INPP4B: variants seen among roughly 807,000 people sequenced by gnomAD.
INPP4B encodes the protein inositol polyphosphate-4-phosphatase type II B.
Under a neutral mutation model 122.5 loss-of-function variants are expected in INPP4B, and 55 were observed. The ratio of observed to expected loss-of-function variants is 0.45; its 90% CI spans 0.36 to 0.56. The LOEUF (loss-of-function observed/expected upper bound fraction) is 0.56, where lower values mean the gene tolerates loss of function less well. Ranked by LOEUF, INPP4B falls within the 20% of genes least tolerant of loss-of-function variation. The pLI is 0.00. For synonymous variants in INPP4B, 403 were observed against 388.7 expected, an observed-to-expected ratio of 1.04 and a Z score of -0.43; for missense variants, 1,000 against 1,097.7, an observed-to-expected ratio of 0.91 and a Z score of 1.26.
At chr4:142,359,647 A>G (rs1167520865) in intron 7 of INPP4B, among the ~76,000 whole-genome samples, 1 of 151,940 alleles carries the variant, frequency 6.6e-6, no homozygotes, top group Non-Finnish European at 1.5e-5. Flanking sequence ...ATATTTTCTA[A>G]AATATATTAA....
chr4:142,792,706 C>A (rs1181343936), intron 1 of INPP4B, among the ~76,000 whole-genome samples: 1 of 152,020 alleles, frequency 6.6e-6, no homozygotes, highest in Non-Finnish European at 1.5e-5. Context: ...AATCACTACA[C>A]ACCTAAGCAC....
At chr4:142,826,046 T>C (rs1781415924) in intron 1 of INPP4B, among the ~76,000 whole-genome samples, 2 of 152,142 alleles carry the variant, frequency 1.3e-5, no homozygotes. Context: ...GTTTGTGTTG[T>C]CGCATCGCCA....
intron 16 of INPP4B, among the ~76,000 whole-genome samples, chr4:142,171,788 T>C (rs1188207097): frequency 2.6e-5 from 4 of 151,840 alleles, no homozygotes; most frequent in Admixed American, 2.6e-4. Context: ...GGGGAAAAAG[T>C]TGGAGCAATG....
intron 2 of INPP4B, among the ~76,000 whole-genome samples, chr4:142,554,572 C>T (rs73850506): frequency 4.5e-4 from 69 of 152,106 alleles, no homozygotes; most frequent in African/African-American, 1.4e-3. Context: ...GATTTGTTTT[C>T]GCTTCCCTTT....
chr4:142,297,679 A>G (rs1047050166), intron 9 of INPP4B, among the ~76,000 whole-genome samples: 1 of 152,216 alleles, frequency 6.6e-6, no homozygotes, highest in African/African-American at 2.4e-5. Context: ...CCATGAGCCA[A>G]TTAAACCTCT....
At chr4:142,356,398 T>C (rs565770988) in intron 7 of INPP4B, among the ~76,000 whole-genome samples, 11 of 151,676 alleles carry the variant, frequency 7.3e-5, no homozygotes, top group African/African-American at 2.7e-4. Context: ...CTAAATCTTA[T>C]ATAAATGTTT....
At chr4:142,481,714 A>G (rs1239561286) in intron 2 of INPP4B, among the ~76,000 whole-genome samples, 5 of 152,288 alleles carry the variant, frequency 3.3e-5, no homozygotes, top group African/African-American at 1.2e-4. Flanking sequence ...AGGTACAGCA[A>G]GGTCCTGGAG....
At chr4:142,544,159 A>G (rs1281614769) in intron 2 of INPP4B, among the ~76,000 whole-genome samples, 42 of 29,072 alleles carry the variant, frequency 1.4e-3, no homozygotes, top group East Asian at 5.1e-3. Flanking sequence ...GTGTGTGTGT[A>G]GGAACATAGT....
chr4:142,330,909 T>C (rs1774215536), intron 7 of INPP4B, among the ~76,000 whole-genome samples: 1 of 152,226 alleles, frequency 6.6e-6, no homozygotes, highest in African/African-American at 2.4e-5. Context: ...CACTAAGCAA[T>C]GTCCATTCAC....
chr4:142,354,737 T>C (rs1439114647), intron 7 of INPP4B, among the ~76,000 whole-genome samples: 2 of 152,066 alleles, frequency 1.3e-5, no homozygotes, highest in African/African-American at 4.8e-5. Context: ...GATGTTATTA[T>C]GTGCTTTGCC....
At chr4:142,182,228 C>A (rs868083067) in intron 15 of INPP4B, among the ~76,000 whole-genome samples, 1 of 152,116 alleles carries the variant, frequency 6.6e-6, no homozygotes, top group South Asian at 2.1e-4. Flanking sequence ...TTCATGGTCT[C>A]TGGGATCCTC....
chr4:142,590,460 A>C (rs1737187463), intron 2 of INPP4B, among the ~76,000 whole-genome samples: 1 of 152,228 alleles, frequency 6.6e-6, no homozygotes, highest in South Asian at 2.1e-4. Context: ...TCTAGTTGAT[A>C]AAATTGCTTG....
rs537227503 is a variant in INPP4B at position 142,214,772 on chromosome 4, C to T, written c.837-5746G>A. On this transcript the variant is annotated intron_variant, in intron 12 of 25. Coordinates refer to ENST00000262992, the MANE Select transcript of INPP4B (RefSeq NM_001101669.3). ...TTCACCGTGTTAGTCAGGCTGGACTCGAACTCCTGACCTCAGGTGATCCAC... is the reference window on the plus strand; with the variant it reads ...TTCACCGTGTTAGTCAGGCTGGACTTGAACTCCTGACCTCAGGTGATCCAC... Among the ~76,000 whole-genome samples the T allele has an allele frequency of 1.6e-3, 241 of 152,264 alleles. 1 individual carries two copies. Among genetic ancestry groups the T allele is most frequent in the African/African-American group, 5.1e-3 (211 of 41,536 alleles).
chr4:142,079,882 A>G (rs1772934512), intron 25 of INPP4B, among the ~76,000 whole-genome samples: 1 of 152,134 alleles, frequency 6.6e-6, no homozygotes, highest in Non-Finnish European at 1.5e-5. Context: ...TAAAATATTC[A>G]CAAACATAAA....
intron 2 of INPP4B, among the ~76,000 whole-genome samples, chr4:142,635,422 G>C (rs1359836917): frequency 1.3e-5 from 2 of 152,118 alleles, no homozygotes; most frequent in Non-Finnish European, 2.9e-5. Context: ...GTTCATTGCA[G>C]CACTATTCAC....
chr4:142,034,417 C>T (rs1001272887), intron 25 of INPP4B, among the ~76,000 whole-genome samples: 1 of 152,136 alleles, frequency 6.6e-6, no homozygotes, highest in Non-Finnish European at 1.5e-5. Flanking sequence ...AGGCTGGGCC[C>T]TGGCTCTTTG....
chr4:142,605,452 T>C (rs187028947), intron 2 of INPP4B, among the ~76,000 whole-genome samples: 216 of 152,108 alleles, frequency 1.4e-3, no homozygotes, highest in Non-Finnish European at 2.1e-3. Flanking sequence ...AAAAAGCTTC[T>C]ACACAGCAAA....
intron 6 of INPP4B, among the ~76,000 whole-genome samples, chr4:142,403,330 T>G (rs1215149574): frequency 6.6e-6 from 1 of 152,176 alleles, no homozygotes; most frequent in African/African-American, 2.4e-5. Context: ...GAACCCTTCT[T>G]TAGGGTTAGT....
intron 2 of INPP4B, among the ~76,000 whole-genome samples, chr4:142,472,877 T>C (rs1390539474): frequency 6.6e-6 from 1 of 152,156 alleles, no homozygotes; most frequent in African/African-American, 2.4e-5. Context: ...AAGAAAAACT[T>C]TTCTACTTTA....
Sources: gnomAD v4.1 joint callset for allele counts (sites outside exome capture counted in the v4.1 genomes callset) on GRCh38, gnomAD v4.1.1 for gene constraint, MANE v1.5 for transcripts, NCBI Gene and HGNC (gene_info 2026-07-23, HGNC 2026-07-21) for gene names.